The following KCND2 variants were observed in gnomAD, a reference collection of about 807,000 sequenced individuals.
KCND2 encodes potassium voltage-gated channel subfamily D member 2.
KCND2 carries 16 observed loss-of-function variants against 54.4 expected under a neutral mutation model. The ratio of observed to expected loss-of-function variants is 0.29; its 90% CI spans 0.20 to 0.45. The LOEUF (loss-of-function observed/expected upper bound fraction) is 0.45, where lower values mean the gene tolerates loss of function less well. KCND2 is among the 20% of genes least tolerant of loss of function. KCND2 has a pLI of 1.00. For synonymous variants in KCND2, 317 were observed against 310.7 expected (o/e 1.02, Z -0.21); for missense variants, 486 against 824.2 (o/e 0.59, Z 5.02).
intron 1 of KCND2, among the ~76,000 whole-genome samples, chr7:120,579,712 A>T (rs931551941): frequency 6.6e-6 from 1 of 151,878 alleles, no homozygotes; most frequent in East Asian, 1.9e-4. Flanking sequence ...TTTAAAAAAA[A>T]TCATTATTAC....
intron 2 of KCND2, among the ~76,000 whole-genome samples, chr7:120,735,169 T>TG (rs1562923721): frequency 6.6e-6 from 1 of 151,988 alleles, no homozygotes; most frequent in African/African-American, 2.4e-5. Flanking sequence ...TATAGAGAAC[T>TG]GATCATCTAA....
chr7:120,366,002 C>T (rs1226150384), intron 1 of KCND2, among the ~76,000 whole-genome samples: 1 of 152,088 alleles, frequency 6.6e-6, no homozygotes, highest in African/African-American at 2.4e-5. Context: ...GGGTGGATAA[C>T]TGTGCCCTTT....
intron 1 of KCND2, among the ~76,000 whole-genome samples, chr7:120,408,777 C>T (rs1056744019): frequency 6.6e-6 from 1 of 151,722 alleles, no homozygotes; most frequent in Non-Finnish European, 1.5e-5. Context: ...TACTCTTTTT[C>T]CCTCCTTCTT....
chr7:120,502,360 A>G (rs1332778525), intron 1 of KCND2, among the ~76,000 whole-genome samples: 1 of 151,970 alleles, frequency 6.6e-6, no homozygotes, highest in Non-Finnish European at 1.5e-5. Flanking sequence ...GGGTTGCAGA[A>G]GGATTAAGAG....
intron 1 of KCND2, among the ~76,000 whole-genome samples, chr7:120,375,144 T>C (rs1800819002): frequency 6.6e-6 from 1 of 151,910 alleles, no homozygotes; most frequent in African/African-American, 2.4e-5. Flanking sequence ...ATTTGATAAA[T>C]AATCCACAAC....
rs1799107015 is a variant in KCND2, at chr7:120,273,296, C to G, written c.-1337C>G. Among the ~76,000 whole-genome samples, 1 of 151,310 alleles carries G rather than the reference C, an allele frequency of 6.6e-6. No homozygotes were observed. Among genetic ancestry groups the G allele is most frequent in the African/African-American group, 2.4e-5 (1 of 41,368 alleles). On this transcript the variant is annotated 5_prime_UTR_variant, in exon 1 of 6. Coordinates refer to ENST00000331113, the MANE Select transcript of KCND2 (RefSeq NM_012281.3). The stretch of plus-strand genomic sequence containing the variant: ...GCAGGACCACCCACTGGCGGGGAAG[C>G]AGCTAGCAGCCCTCCCGCGCCCCCG...
chr7:120,523,178 G>A (rs1479628668), intron 1 of KCND2, among the ~76,000 whole-genome samples: 1 of 151,998 alleles, frequency 6.6e-6, no homozygotes, highest in Admixed American at 6.6e-5. Flanking sequence ...TGTTGTTTCC[G>A]CTATCCATGT....
intron 5 of KCND2, chr7:120,746,794 G>C (rs1047972245): frequency 1.2e-4 from 18 of 152,108 alleles, no homozygotes; most frequent in Non-Finnish European, 2.1e-4. Flanking sequence ...GTTAGAGTGA[G>C]AGTCTGTAAA....
intron 1 of KCND2, among the ~76,000 whole-genome samples, chr7:120,724,820 G>T (rs1386016408): frequency 1.3e-5 from 2 of 152,166 alleles, no homozygotes; most frequent in East Asian, 1.9e-4. Flanking sequence ...GTAATCAGTT[G>T]TACATCTATT....
chr7:120,649,390 TA>T (rs1791696144), intron 1 of KCND2, among the ~76,000 whole-genome samples: 1 of 152,196 alleles, frequency 6.6e-6, no homozygotes, highest in South Asian at 2.1e-4. Flanking sequence ...GCTCAAAAGA[TA>T]AACAACAGAA....
At chr7:120,662,275 A>G (rs1237420939) in intron 1 of KCND2, among the ~76,000 whole-genome samples, 1 of 152,226 alleles carries the variant, frequency 6.6e-6, no homozygotes, top group African/African-American at 2.4e-5. Context: ...CATTTTTACT[A>G]AAATTTAATT....
chr7:120,395,808 A>G (rs1801146781), intron 1 of KCND2, among the ~76,000 whole-genome samples: 1 of 151,854 alleles, frequency 6.6e-6, no homozygotes. Flanking sequence ...AGCTGTGAGG[A>G]CACTGGAGGT....
At chr7:120,580,554 G>T (rs1019000176) in intron 1 of KCND2, among the ~76,000 whole-genome samples, 1 of 152,108 alleles carries the variant, frequency 6.6e-6, no homozygotes, top group Non-Finnish European at 1.5e-5. Context: ...AGACAGTCCT[G>T]CATTGTTTAC....
In KCND2 at chr7:120,335,355, C is replaced by CA. The variant is rs35404512; in HGVS notation, c.1115+59629dup. Among the ~76,000 whole-genome samples the CA allele has an allele frequency of 8.5e-3, 494 of 58,358 alleles. 39 individuals carry two copies. The highest frequency in any genetic ancestry group is 0.024 in the African/African-American group (346 of 14,502). 38.3% of individuals were successfully genotyped at this position (58,358 alleles called of 152,430 possible). On this transcript the variant is annotated intron_variant, in intron 1 of 5. Coordinates refer to ENST00000331113, the MANE Select transcript of KCND2 (RefSeq NM_012281.3). Reference sequence around the variant, plus strand: ...CCTGGGCGACAGAGCAAGACTCTATCAAAAAAAAAAAAAAAAAAAAAGAAG... The same window carrying CA: ...CCTGGGCGACAGAGCAAGACTCTATCAAAAAAAAAAAAAAAAAAAAAAGAAG...
At chr7:120,433,822 C>T (rs1336091914) in intron 1 of KCND2, among the ~76,000 whole-genome samples, 1 of 152,164 alleles carries the variant, frequency 6.6e-6, no homozygotes, top group South Asian at 2.1e-4. Context: ...TGCAAATAGA[C>T]AAAACATGAA....
At chr7:120,367,918 T>C (rs1379585435) in intron 1 of KCND2, among the ~76,000 whole-genome samples, 1 of 152,120 alleles carries the variant, frequency 6.6e-6, no homozygotes, top group African/African-American at 2.4e-5. Flanking sequence ...ATATCTGCTT[T>C]ACAGGTTTAA....
chr7:120,288,471 A>G (rs1026123405), intron 1 of KCND2, among the ~76,000 whole-genome samples: 5 of 152,140 alleles, frequency 3.3e-5, no homozygotes, highest in Non-Finnish European at 5.9e-5. Flanking sequence ...CTTAGATTAT[A>G]ATTGAGCATA....
At chr7:120,403,108 G>A (rs1431683897) in intron 1 of KCND2, among the ~76,000 whole-genome samples, 1 of 152,170 alleles carries the variant, frequency 6.6e-6, no homozygotes, top group Non-Finnish European at 1.5e-5. Flanking sequence ...AAGCTCCCAA[G>A]CTCCCAAGAG....
intron 1 of KCND2, among the ~76,000 whole-genome samples, chr7:120,693,459 C>T (rs946399208): frequency 6.6e-6 from 1 of 151,234 alleles, no homozygotes; most frequent in Non-Finnish European, 1.5e-5. Flanking sequence ...TAGTACTTAG[C>T]AAATGGGAAG....
Sources: gnomAD v4.1 joint callset for allele counts (sites outside exome capture counted in the v4.1 genomes callset) on GRCh38, gnomAD v4.1.1 for gene constraint, MANE v1.5 for transcripts, NCBI Gene and HGNC (gene_info 2026-07-23, HGNC 2026-07-21) for gene names.